The following TMEM132B variants were observed in gnomAD, a reference collection of about 807,000 sequenced individuals.
TMEM132B encodes the protein transmembrane protein 132B.
A neutral mutation model predicts 90.8 loss-of-function variants in TMEM132B; 18 were observed. The ratio of observed to expected loss-of-function variants is 0.20; its 90% CI spans 0.14 to 0.29. The LOEUF (loss-of-function observed/expected upper bound fraction) is 0.29, where lower values mean the gene tolerates loss of function less well. Ranked by LOEUF, TMEM132B falls within the 10% of genes least tolerant of loss-of-function variation. The pLI, the probability that TMEM132B is intolerant of heterozygous loss-of-function variation, is 1.00. For synonymous variants in TMEM132B, 504 were observed against 523.3 expected (o/e 0.96, Z 0.50); for missense variants, 1,096 against 1,326.8 (o/e 0.83, Z 2.70).
chr12:125,252,904 A>C (rs4765030), intron 1 of TMEM132B, among the ~76,000 whole-genome samples: 57,831 of 152,054 alleles, frequency 0.38, 11,677 homozygotes, highest in African/African-American at 0.48. Context: ...CTCATCCCAG[A>C]CCTCTGGGAC....
At chr12:125,404,096 C>T (rs1182399308) in intron 2 of TMEM132B, among the ~76,000 whole-genome samples, 2 of 152,114 alleles carry the variant, frequency 1.3e-5, no homozygotes, top group African/African-American at 4.8e-5. Flanking sequence ...CCTAATGGAA[C>T]TGGAGGTAAC....
At chr12:125,369,253 T>G (rs529514933) in intron 2 of TMEM132B, among the ~76,000 whole-genome samples, 1 of 152,374 alleles carries the variant, frequency 6.6e-6, no homozygotes, top group East Asian at 1.9e-4. Context: ...TGCCACATTT[T>G]CTTAATCTAG....
chr12:125,353,179 C>T (rs1452503660), intron 2 of TMEM132B, among the ~76,000 whole-genome samples: 1 of 151,906 alleles, frequency 6.6e-6, no homozygotes, highest in East Asian at 1.9e-4. Flanking sequence ...AGCACTTCAG[C>T]ACTCCCTCTG....
At chr12:125,513,018 C>A (rs372256968) in intron 3 of TMEM132B, among the ~76,000 whole-genome samples, 1 of 152,204 alleles carries the variant, frequency 6.6e-6, no homozygotes, top group African/African-American at 2.4e-5. Context: ...GGGGACCCCA[C>A]GCAGTGGGGC....
Position 125,432,803 on chromosome 12 carries a change from G to C in TMEM132B, c.1106+17126G>C, listed in dbSNP as rs78102472. Among the ~76,000 whole-genome samples the C allele has an allele frequency of 1.3e-4, 20 of 152,174 alleles. No homozygotes were observed. In the East Asian group the frequency reaches 3.9e-3, roughly 30 times the overall value. On this transcript the variant is annotated intron_variant, in intron 3 of 8. Coordinates refer to ENST00000682704, the MANE Select transcript of TMEM132B (RefSeq NM_001366854.1). ...TTGGTGGAATCGGCATCTGGTATCT[G>C]TTGGTGTGATGCTTGGTGCACACAT...
At chr12:125,426,302 T>A (rs1168366446) in intron 3 of TMEM132B, among the ~76,000 whole-genome samples, 1 of 152,080 alleles carries the variant, frequency 6.6e-6, no homozygotes, top group Non-Finnish European at 1.5e-5. Context: ...GTTGTTCTTT[T>A]TTTTTATTAT....
chr12:125,625,481 A>T (rs1886213371), intron 5 of TMEM132B, among the ~76,000 whole-genome samples: 1 of 152,098 alleles, frequency 6.6e-6, no homozygotes, highest in South Asian at 2.1e-4. Flanking sequence ...CATCTGTGTT[A>T]TTGTGTGAAT....
intron 4 of TMEM132B, among the ~76,000 whole-genome samples, chr12:125,580,528 G>T (rs927713985): frequency 2.0e-4 from 31 of 152,194 alleles, no homozygotes; most frequent in Non-Finnish European, 3.8e-4. Context: ...TAGACTGCTG[G>T]TTTTTACTGT....
At chr12:125,382,121 A>T (rs1357146772) in intron 2 of TMEM132B, among the ~76,000 whole-genome samples, 1 of 152,086 alleles carries the variant, frequency 6.6e-6, no homozygotes, top group African/African-American at 2.4e-5. Flanking sequence ...CACACAGGTA[A>T]CTCTAACTTA....
chr12:125,424,906 G>A (rs1427535949), intron 3 of TMEM132B, among the ~76,000 whole-genome samples: 1 of 152,162 alleles, frequency 6.6e-6, no homozygotes, highest in Non-Finnish European at 1.5e-5. Flanking sequence ...AGACAGCAAG[G>A]GTAGGGGGAT....
chr12:125,491,828 G>A (rs1034925179), intron 3 of TMEM132B, among the ~76,000 whole-genome samples: 5 of 152,202 alleles, frequency 3.3e-5, no homozygotes, highest in African/African-American at 1.2e-4. Context: ...AGTGCATCAC[G>A]TGCTCCAGAG....
At chr12:125,630,281 T>C (rs1353809666) in intron 5 of TMEM132B, among the ~76,000 whole-genome samples, 2 of 152,112 alleles carry the variant, frequency 1.3e-5, no homozygotes, top group African/African-American at 4.8e-5. Flanking sequence ...CTTTTCTTTA[T>C]TGGGAGACTT....
At chr12:125,430,752 G>A (rs866505825) in intron 3 of TMEM132B, among the ~76,000 whole-genome samples, 2 of 152,188 alleles carry the variant, frequency 1.3e-5, no homozygotes, top group Non-Finnish European at 2.9e-5. Flanking sequence ...CCAGTGAGTC[G>A]GTCCTGGCTC....
At chr12:125,270,826 C>G (rs1203647520) in intron 1 of TMEM132B, among the ~76,000 whole-genome samples, 1 of 152,030 alleles carries the variant, frequency 6.6e-6, no homozygotes, top group African/African-American at 2.4e-5. Flanking sequence ...TACTTGGGGG[C>G]TCCACATGTG....
At chr12:125,617,916 C>T (rs1886029709) in intron 5 of TMEM132B, among the ~76,000 whole-genome samples, 2 of 151,390 alleles carry the variant, frequency 1.3e-5, no homozygotes, top group African/African-American at 4.9e-5. Context: ...AATAGTTGCT[C>T]ACCTGCAGCT....
intron 1 of TMEM132B, among the ~76,000 whole-genome samples, chr12:125,242,273 C>T (rs376248891): frequency 1.1e-4 from 17 of 152,298 alleles, no homozygotes; most frequent in African/African-American, 4.1e-4. Context: ...CCTCAGCCTT[C>T]TGAGTAGCTG....
chr12:125,389,055 C>A lies in TMEM132B; in HGVS notation c.960-26476C>A, dbSNP rs866177934. 2.8e-3 allele frequency among the ~76,000 whole-genome samples: 409 copies of A among 143,690 alleles called. 4 individuals carry two copies. Among genetic ancestry groups the A allele is most frequent in the African/African-American group, 0.01 (395 of 39,362 alleles). The allele number at this position is 143,690 out of a possible 152,430, so 94.3% of individuals were successfully genotyped here. A position where few individuals can be genotyped will look rare whatever the true frequency, so the allele number is the denominator to read the frequency against. ...ACACACACACACACACACACACACA[C>A]AAACACACAAGATTGATAAATCTAG... On this transcript the variant is annotated intron_variant, in intron 2 of 8. Transcript: ENST00000682704.
intron 2 of TMEM132B, among the ~76,000 whole-genome samples, chr12:125,372,659 T>A (rs1878331843): frequency 6.6e-6 from 1 of 152,220 alleles, no homozygotes; most frequent in Non-Finnish European, 1.5e-5. Context: ...CTGATTGGGT[T>A]GGAAGTAGAA....
intron 5 of TMEM132B, among the ~76,000 whole-genome samples, chr12:125,589,665 T>C (rs955976459): frequency 1.3e-5 from 2 of 151,970 alleles, no homozygotes; most frequent in Non-Finnish European, 2.9e-5. Context: ...CAGACACATC[T>C]TACATGGCAG....
Sources: allele counts gnomAD v4.1 joint callset (sites outside exome capture counted in the v4.1 genomes callset), GRCh38; gene constraint gnomAD v4.1.1; transcripts MANE v1.5; gene names NCBI Gene and HGNC (gene_info 2026-07-23, HGNC 2026-07-21).